The following HPCAL1 variants were observed in gnomAD, a reference collection of about 807,000 sequenced individuals.
HPCAL1 encodes hippocalcin like 1, also known as hippocalcin-like protein 1.
Under a neutral mutation model 17.1 loss-of-function variants are expected in HPCAL1, and 8 were observed. That is an observed-to-expected ratio of 0.47 (90% CI 0.27 to 0.84). The LOEUF (loss-of-function observed/expected upper bound fraction) is 0.84, where lower values mean the gene tolerates loss of function less well. Among genes scored for constraint, HPCAL1 ranks in the 40% least tolerant of loss-of-function variants. The probability of loss-of-function intolerance (pLI) is 0.13; values close to 1 mark genes in which losing one functional copy is unlikely to be tolerated. For synonymous variants in HPCAL1, 112 were observed against 111.4 expected (o/e 1.01, Z -0.03); for missense variants, 165 against 271.1 (o/e 0.61, Z 2.75).
At chr2:10,353,151 C>T (rs905457596) in intron 1 of HPCAL1, among the ~76,000 whole-genome samples, 1 of 152,224 alleles carries the variant, frequency 6.6e-6, no homozygotes, top group East Asian at 1.9e-4. Flanking sequence ...AAAAAGGCCG[C>T]TATGCCTTTC....
intron 1 of HPCAL1, among the ~76,000 whole-genome samples, chr2:10,339,440 G>A (rs1487572986): frequency 1.3e-5 from 2 of 152,216 alleles, no homozygotes; most frequent in African/African-American, 2.4e-5. Context: ...CAGTAGCTGG[G>A]ATTACAGGCA....
At chr2:10,368,323 GGT>G (rs758970025) in intron 1 of HPCAL1, among the ~76,000 whole-genome samples, 8 of 149,180 alleles carry the variant, frequency 5.4e-5, no homozygotes, top group Non-Finnish European at 7.4e-5. Context: ...TGCACGTGTG[GGT>G]GTGTGTGCAG....
At chr2:10,357,638 T>G (rs1045557172) in intron 1 of HPCAL1, among the ~76,000 whole-genome samples, 4 of 152,222 alleles carry the variant, frequency 2.6e-5, no homozygotes, top group African/African-American at 9.6e-5. Flanking sequence ...AGAAAGCCGA[T>G]GTTCTTGTAA....
chr2:10,328,153 G>T (rs1356308752), intron 1 of HPCAL1, among the ~76,000 whole-genome samples: 1 of 152,172 alleles, frequency 6.6e-6, no homozygotes, highest in Non-Finnish European at 1.5e-5. Flanking sequence ...GTATCCCCAG[G>T]AACTCTCTGC....
chr2:10,364,795 G>A (rs1382233126), intron 1 of HPCAL1, among the ~76,000 whole-genome samples: 1 of 152,072 alleles, frequency 6.6e-6, no homozygotes, highest in African/African-American at 2.4e-5. Flanking sequence ...ATGTTGCCCA[G>A]GCTGGTCTTG....
At chr2:10,403,800 C>T (rs991583762) in intron 2 of HPCAL1, among the ~76,000 whole-genome samples, 6 of 151,704 alleles carry the variant, frequency 4.0e-5, no homozygotes, top group Admixed American at 6.6e-5. Flanking sequence ...AGTTCTTATC[C>T]GTTCATTACA....
chr2:10,389,663 T>A (rs1017004433), intron 1 of HPCAL1, among the ~76,000 whole-genome samples: 1 of 152,272 alleles, frequency 6.6e-6, no homozygotes. Context: ...TAAGGCTTCG[T>A]GTCTGACTTC....
At chr2:10,391,206 C>G (rs775414053) in intron 1 of HPCAL1, among the ~76,000 whole-genome samples, 11 of 151,446 alleles carry the variant, frequency 7.3e-5, no homozygotes, top group Non-Finnish European at 1.5e-4. Flanking sequence ...CCTGGGGGCC[C>G]AGTCCTGGAT....
At chr2:10,422,953 T>C in intron 3 of HPCAL1, 30 bp from the exon 4 acceptor site, 1 of 1,543,812 alleles carries the variant, frequency 6.5e-7, no homozygotes, top group Non-Finnish European at 8.9e-7. Context: ...CCCGGGCCTC[T>C]GAGCACAGTG....
Position 10,343,783 on chromosome 2 carries a change from T to C in HPCAL1, c.-111+40606T>C, listed in dbSNP as rs551770562. 1.3e-5 allele frequency among the ~76,000 whole-genome samples: 2 copies of C among 152,332 alleles called. 1 individual carries two copies. The highest frequency in any genetic ancestry group is 4.1e-4 in the South Asian group (2 of 4,826). On this transcript the variant is annotated intron_variant, in intron 1 of 4. Coordinates refer to ENST00000307845, the MANE Select transcript of HPCAL1 (RefSeq NM_002149.4). The surrounding 1 kb of genome is among the most constrained non-coding windows in gnomAD (Gnocchi z 4.8). ...AGAAAGTCTTTCTGCTGTTCTCTTG[T>C]GCTGGGCGTGGCTCAGGGCTGAGGG...
chr2:10,368,890 C>G (rs964913380), intron 1 of HPCAL1: 1 of 152,230 alleles, frequency 6.6e-6, no homozygotes, highest in African/African-American at 2.4e-5. Flanking sequence ...TTGATTGTAT[C>G]TGTTGGAAGT....
intron 1 of HPCAL1, among the ~76,000 whole-genome samples, chr2:10,305,423 G>A (rs1443389126): frequency 3.3e-5 from 5 of 152,174 alleles, no homozygotes; most frequent in African/African-American, 7.2e-5. Context: ...AGGTTTTATT[G>A]GATAATGTGG....
intron 2 of HPCAL1, among the ~76,000 whole-genome samples, chr2:10,399,274 C>T (rs200892641): frequency 2.4e-4 from 24 of 99,374 alleles, no homozygotes; most frequent in South Asian, 7.7e-4. Context: ...ACCACCACCA[C>T]CACCATCACC....
chr2:10,331,598 T>G lies in HPCAL1; in HGVS notation c.-111+28421T>G, dbSNP rs1031522257. ...GAGCTGCGCTGAAGTCAGTGTGTGC[T>G]TTGGGCCCAGCTGCACTGTGCCCGG... On this transcript the variant is annotated intron_variant, in intron 1 of 4. Coordinates refer to ENST00000307845, the MANE Select transcript of HPCAL1 (RefSeq NM_002149.4). The surrounding 1 kb of genome is among the most constrained non-coding windows in gnomAD (Gnocchi z 5.0). Among the ~76,000 whole-genome samples, 3 of 152,176 alleles carry G rather than the reference T, an allele frequency of 2.0e-5. No homozygotes were observed. Among genetic ancestry groups the G allele is most frequent in the African/African-American group, 7.2e-5 (3 of 41,450 alleles).
intron 1 of HPCAL1, among the ~76,000 whole-genome samples, chr2:10,370,260 G>T (rs1667126334): frequency 1.3e-5 from 2 of 152,244 alleles, no homozygotes; most frequent in African/African-American, 4.8e-5. Flanking sequence ...TCGTGGAGCA[G>T]GTGGGACACC....
In HPCAL1 at chr2:10,426,990, C is replaced by A; in HGVS notation, c.*169C>A. The stretch of plus-strand genomic sequence containing the variant: ...GCTGCGCCTCCCTCCTCCACCTGAC[C>A]AACGCGACATTCCTCCCCTCACGCC... On this transcript the variant is annotated 3_prime_UTR_variant, in exon 5 of 5. Transcript: ENST00000307845. 1 of 620,070 alleles carries A rather than the reference C, an allele frequency of 1.6e-6. No individual in the cohort carries two copies. The highest frequency in any genetic ancestry group is 2.9e-6 in the Non-Finnish European group (1 of 345,912). The allele number at this position is 620,070 out of a possible 1,614,324, so 38.4% of individuals were successfully genotyped here.
At chr2:10,308,103 G>A (rs778927495) in intron 1 of HPCAL1, among the ~76,000 whole-genome samples, 1 of 152,034 alleles carries the variant, frequency 6.6e-6, no homozygotes, top group Non-Finnish European at 1.5e-5. Context: ...TCCTACCCCA[G>A]TATAGGGGGC....
rs1238179855 is a variant in HPCAL1, at chr2:10,330,939, A to AC, written c.-111+27766dup. 6.6e-6 allele frequency among the ~76,000 whole-genome samples: 1 copy of AC among 151,976 alleles called. No homozygotes were observed. Among genetic ancestry groups the AC allele is most frequent in the East Asian group, 1.9e-4 (1 of 5,182 alleles). ...TGCAGCCTGGGGGTGCAGCAAGCCC[A>AC]CCCCTGCATTCGGAGAGCCTTAGCG... On this transcript the variant is annotated intron_variant, in intron 1 of 4. Transcript: ENST00000307845. This position sits in a 1 kb window ranked among gnomAD's most constrained non-coding sequence, Gnocchi z 4.2.
Position 10,323,459 on chromosome 2 carries a change from C to T in HPCAL1, c.-111+20282C>T, listed in dbSNP as rs1467600346. Among the ~76,000 whole-genome samples the T allele has an allele frequency of 1.3e-5, 2 of 152,212 alleles. No homozygotes were observed. Among genetic ancestry groups the T allele is most frequent in the East Asian group, 3.8e-4 (2 of 5,204 alleles). ...TGCTGGATCTGGCCCCAGGCCTGCACCTGGCCCTGGCAGTGGGCGCACGTT... is the reference window on the plus strand; with the variant it reads ...TGCTGGATCTGGCCCCAGGCCTGCATCTGGCCCTGGCAGTGGGCGCACGTT... On this transcript the variant is annotated intron_variant, in intron 1 of 4. Transcript: ENST00000307845. This position sits in a 1 kb window ranked among gnomAD's most constrained non-coding sequence, Gnocchi z 4.6.
Sources: allele counts gnomAD v4.1 joint callset (sites outside exome capture counted in the v4.1 genomes callset), GRCh38; gene constraint gnomAD v4.1.1; non-coding constraint Gnocchi (gnomAD v3.1); transcripts MANE v1.5; gene names NCBI Gene and HGNC (gene_info 2026-07-23, HGNC 2026-07-21).